Variants in MYBPC1 observed in about 807,000 individuals in gnomAD.
The protein encoded by MYBPC1 is myosin binding protein C1, also known as myosin-binding protein C, slow-type.
In MYBPC1, 52 loss-of-function variants were observed where a neutral mutation model predicts 147.1. That is an observed-to-expected ratio of 0.35 (90% confidence interval 0.28 to 0.45). The LOEUF (loss-of-function observed/expected upper bound fraction) is 0.45, where lower values mean the gene tolerates loss of function less well. MYBPC1 is among the 20% of genes least tolerant of loss of function. The pLI is 1.00. For missense variants in MYBPC1, 1,228 were observed against 1,440.3 expected (o/e 0.85, Z 2.39); for synonymous variants, 477 against 475.9 (o/e 1.00, Z -0.03).
chr12:101,617,757 C>T (rs948589295), intron 3 of MYBPC1, among the ~76,000 whole-genome samples: 5 of 152,114 alleles, frequency 3.3e-5, no homozygotes, highest in Non-Finnish European at 2.9e-5. Context: ...AGACATGTTG[C>T]CCCTTCTTGA....
intron 1 of MYBPC1, among the ~76,000 whole-genome samples, chr12:101,602,130 A>G (rs1381126228): frequency 6.6e-6 from 1 of 152,152 alleles, no homozygotes; most frequent in Non-Finnish European, 1.5e-5. Context: ...CTGTTTCCTC[A>G]TCTGTATGTG....
In MYBPC1 at chr12:101,617,228, AC is replaced by A; in HGVS notation, c.89del (p.Thr30IlefsTer65). On this transcript the variant is annotated frameshift_variant, in exon 3 of 32. Coordinates refer to ENST00000361466, the MANE Select transcript of MYBPC1 (RefSeq NM_002465.4). LOFTEE classifies it high-confidence loss of function. The stretch of plus-strand genomic sequence containing the variant: ...ACCAAGTAAAGAGAAGGAGGCCGGA[AC>A]TACACCAGCAAAAGGTGAGTTGGAG... ...EEPSKEKEAG[T>X]TPAKDEEEVS... 6.2e-7 allele frequency: 1 copy of A among 1,613,816 alleles called. No homozygotes were observed. The highest frequency in any genetic ancestry group is 8.5e-7 in the Non-Finnish European group (1 of 1,179,820).
In MYBPC1 at chr12:101,608,895, A is replaced by G. The variant is rs370514569; in HGVS notation, c.26-5601A>G. 3.9e-5 allele frequency among the ~76,000 whole-genome samples: 6 copies of G among 152,288 alleles called. No individual in the cohort carries two copies. In the East Asian group the frequency reaches 9.7e-4, roughly 25 times the overall value. ...GCCTTGGCCAGCGGGAGGGGAACCA[A>G]TGAAAGACATAGTGTTCCTTGTGGG... On this transcript the variant is annotated intron_variant, in intron 1 of 31. Transcript: ENST00000361466.
chr12:101,627,327 G>C (rs1437577699), intron 4 of MYBPC1, among the ~76,000 whole-genome samples: 2 of 151,892 alleles, frequency 1.3e-5, no homozygotes, highest in Non-Finnish European at 2.9e-5. Context: ...ACTGCAACCT[G>C]TGCCTCCCAG....
chr12:101,674,859 C>T (rs1594053170), intron 25 of MYBPC1, among the ~76,000 whole-genome samples: 1 of 68,014 alleles, frequency 1.5e-5, no homozygotes, highest in Non-Finnish European at 2.4e-5. Flanking sequence ...ATGACTCTGT[C>T]TCCAAAAAAA....
intron 24 of MYBPC1, among the ~76,000 whole-genome samples, chr12:101,671,576 G>A (rs1898743468): frequency 6.6e-6 from 1 of 152,182 alleles, no homozygotes; most frequent in South Asian, 2.1e-4. Flanking sequence ...GCTTGGCAAG[G>A]TTCTTCTCAC....
Position 101,663,507 on chromosome 12 carries a change from A to G in MYBPC1, c.2303A>G (p.His768Arg). 6.2e-7 allele frequency: 1 copy of G among 1,614,138 alleles called. No homozygotes were observed. The highest frequency in any genetic ancestry group is 1.1e-5 in the South Asian group (1 of 91,070). ...TVTMRWRPPD[H>R]IGAAGLDGYV... The stretch of plus-strand genomic sequence containing the variant: ...ACGATGAGGTGGCGCCCCCCAGACC[A>G]CATTGGTGCAGCAGGTTTAGATGGC... The change falls in exon 22 of 32, where the codon CAC becomes CGC. Residue 768 changes from histidine (H) to arginine (R), a missense_variant. Physicochemically the swap from His to Arg is conservative, Grantham distance 29 (BLOSUM62 0). This residue lies in a region of MYBPC1 where 1,077 missense variants were observed against 1,314.2 expected (regional missense o/e 0.82). Transcript: ENST00000361466.
Position 101,652,787 on chromosome 12 carries a change from G to A in MYBPC1, c.1633+3G>A. 1 of 1,603,468 alleles carries A rather than the reference G, an allele frequency of 6.2e-7. No individual in the cohort carries two copies. The highest frequency in any genetic ancestry group is 1.3e-5 in the African/African-American group (1 of 74,754). ...GCCTGCCAAAGTTCATGTTATTGGT[G>A]AGTAGATAAAATAATTCATTGCATA... On this transcript the variant is annotated splice_donor_region_variant and intron_variant, in intron 17 of 31. Transcript: ENST00000361466.
At chr12:101,656,420 A>G (rs2178016) in intron 18 of MYBPC1, among the ~76,000 whole-genome samples, 65,493 of 151,942 alleles carry the variant, frequency 0.43, 14,831 homozygotes, top group Admixed American at 0.6. Context: ...AGAGTAGAGC[A>G]AAAACATGAC....
chr12:101,661,015 A>G (rs527972661), intron 19 of MYBPC1, 143 bp from the exon 20 acceptor site: 10 of 598,656 alleles, frequency 1.7e-5, no homozygotes, highest in Admixed American at 1.3e-4. Context: ...AAACCATATC[A>G]TAAGCATAAT....
chr12:101,646,175 A>C (rs1233231658), intron 12 of MYBPC1, among the ~76,000 whole-genome samples: 1 of 152,206 alleles, frequency 6.6e-6, no homozygotes, highest in Non-Finnish European at 1.5e-5. Context: ...TTAAATAGCA[A>C]ATATGTGAGT....
chr12:101,663,054 T>C (rs1896844510), intron 21 of MYBPC1, among the ~76,000 whole-genome samples: 1 of 152,174 alleles, frequency 6.6e-6, no homozygotes, highest in Admixed American at 6.5e-5. Context: ...CATTATTTTA[T>C]GGCAATGAGG....
At position 101,623,879 on chromosome 12, in the gene MYBPC1, G is replaced by A. The variant is rs116727794; in HGVS notation, c.104-2993G>A. Among the ~76,000 whole-genome samples the A allele has an allele frequency of 3.6e-3, 551 of 152,168 alleles. 3 individuals carry two copies. Among genetic ancestry groups the A allele is most frequent in the African/African-American group, 0.013 (528 of 41,504 alleles). On this transcript the variant is annotated intron_variant, in intron 3 of 31. Coordinates refer to ENST00000361466, the MANE Select transcript of MYBPC1 (RefSeq NM_002465.4). The stretch of plus-strand genomic sequence containing the variant: ...ATTATTTCACAGTCTTCTGAATAAC[G>A]GAATTCTTCTAATAGCTCAGAAATA...
intron 10 of MYBPC1, among the ~76,000 whole-genome samples, chr12:101,637,933 G>A (rs77497712): frequency 0.25 from 38,177 of 152,018 alleles, 5,104 homozygotes; most frequent in Middle Eastern, 0.34. Context: ...TTCCCCAAAT[G>A]CATTTAAAGC....
chr12:101,662,602 G>C, intron 21 of MYBPC1, 56 bp downstream of exon 21: 1 of 1,580,438 alleles, frequency 6.3e-7, no homozygotes, highest in Non-Finnish European at 8.7e-7. Flanking sequence ...GAGTATGACT[G>C]CTTTCTCTCT....
intron 28 of MYBPC1, 74 bp downstream of exon 28, chr12:101,678,312 T>C (rs1390016432): frequency 1.3e-6 from 2 of 1,582,080 alleles, no homozygotes; most frequent in East Asian, 2.2e-5. Context: ...AGTAACAATG[T>C]AAACAAATCC....
chr12:101,665,149 A>G (rs1000800877), intron 22 of MYBPC1, among the ~76,000 whole-genome samples: 1 of 152,156 alleles, frequency 6.6e-6, no homozygotes, highest in Admixed American at 6.5e-5. Flanking sequence ...GTATTTTACA[A>G]AATTTTGCGT....
chr12:101,643,544 G>A (rs1311719883), intron 11 of MYBPC1, among the ~76,000 whole-genome samples: 2 of 152,096 alleles, frequency 1.3e-5, no homozygotes, highest in African/African-American at 2.4e-5. Context: ...GTTAAAATAT[G>A]AGACAGTGAG....
At chr12:101,642,372 A>C in intron 10 of MYBPC1, 47 bp from the exon 11 acceptor site, 1 of 1,600,370 alleles carries the variant, frequency 6.2e-7, no homozygotes, top group Non-Finnish European at 8.6e-7. Context: ...CGTGGTCTCT[A>C]AGGGTCAGTG....
Sources: allele counts gnomAD v4.1 joint callset (sites outside exome capture counted in the v4.1 genomes callset), GRCh38; gene constraint gnomAD v4.1.1; regional missense constraint gnomAD v4.1.1; transcripts MANE v1.5; gene names NCBI Gene and HGNC (gene_info 2026-07-23, HGNC 2026-07-21).